Variants in TBXT observed in about 807,000 individuals in gnomAD.
TBXT encodes the protein T brachyury transcription factor.
Under a neutral mutation model 41.1 loss-of-function variants are expected in TBXT, and 19 were observed. The observed-to-expected ratio is 0.46, with a 90% CI of 0.32 to 0.68. The LOEUF (loss-of-function observed/expected upper bound fraction) is 0.68. Ranked by LOEUF, TBXT falls within the 30% of genes least tolerant of loss-of-function variation. The pLI is 0.03. For missense variants in TBXT, 536 were observed against 582.0 expected (o/e 0.92, Z 0.81); for synonymous variants, 213 against 238.9 (o/e 0.89, Z 1.00).
chr6:166,158,978 G>C (rs531862159), intron 7 of TBXT, among the ~76,000 whole-genome samples: 2 of 152,204 alleles, frequency 1.3e-5, no homozygotes, highest in Non-Finnish European at 2.9e-5. Flanking sequence ...TTCAAGGCCA[G>C]CCTGACTAAC....
chr6:166,165,509 A>C (rs1562389314), intron 3 of TBXT, among the ~76,000 whole-genome samples, 197 bp downstream of exon 3: 1 of 152,188 alleles, frequency 6.6e-6, no homozygotes, highest in Non-Finnish European at 1.5e-5. Context: ...ATTCAAGGGG[A>C]AAATGTTTGA....
chr6:166,164,521 G>A, intron 5 of TBXT, 84 bp downstream of exon 5: 1 of 1,517,644 alleles, frequency 6.6e-7, no homozygotes, highest in Non-Finnish European at 9.2e-7. Context: ...AAACACCCTT[G>A]TCTTCTCCAT....
Position 166,166,731 on chromosome 6 carries a change from G to T in TBXT, c.332C>A (p.Pro111Gln), listed in dbSNP as rs772551453. Residue 111 changes from proline to glutamine, a missense_variant, in exon 2 of 8, where the codon CCG becomes CAG. Transcript: ENST00000366876. ...CGCCTGCGGCTCCGGCTTGCCCCCC[G>T]GCACCCATTCCCCGTTCACGTACTT... ...RWKYVNGEWV[P>Q]GGKPEPQAPS... 2.5e-6 allele frequency: 4 copies of T among 1,613,686 alleles called. No individual in the cohort carries two copies. Among genetic ancestry groups the T allele is most frequent in the Non-Finnish European group, 8.5e-7 (1 of 1,180,032 alleles).
At chr6:166,162,164 AGG>A (rs1778977630) in intron 6 of TBXT, among the ~76,000 whole-genome samples, 1 of 152,212 alleles carries the variant, frequency 6.6e-6, no homozygotes. Context: ...TTCTGTGGAG[AGG>A]CCCAGGAATC....
At position 166,157,919 on chromosome 6, in the gene TBXT, C is replaced by T. The variant is rs1337210651; in HGVS notation, c.*396G>A. On this transcript the variant is annotated 3_prime_UTR_variant, in exon 8 of 8. Transcript: ENST00000366876. Reference sequence around the variant, plus strand: ...AACAAGGAAGAAGATTAAGAGTGTGCTTTTTATCTCACTAAAGTAGGACTG... The same window carrying T: ...AACAAGGAAGAAGATTAAGAGTGTGTTTTTTATCTCACTAAAGTAGGACTG... 1 of 327,488 alleles carries T rather than the reference C, an allele frequency of 3.1e-6. No homozygotes were observed. The highest frequency in any genetic ancestry group is 2.1e-5 in the African/African-American group (1 of 47,152). The allele number at this position is 327,488 out of a possible 1,614,324, so 20.3% of individuals were successfully genotyped here. A position where few individuals can be genotyped will look rare whatever the true frequency, so the allele number is the denominator to read the frequency against.
At chr6:166,162,301 C>G (rs1361878674) in intron 6 of TBXT, 146 bp downstream of exon 6, 1 of 824,570 alleles carries the variant, frequency 1.2e-6, no homozygotes, top group Non-Finnish European at 2.0e-6. Context: ...AAGATCTTCT[C>G]TTGAGCTACT....
intron 7 of TBXT, among the ~76,000 whole-genome samples, chr6:166,159,750 G>A (rs1433382627): frequency 1.3e-5 from 2 of 152,168 alleles, no homozygotes; most frequent in Non-Finnish European, 2.9e-5. Context: ...GTTAATCAAG[G>A]CAGATTTTTA....
Position 166,160,966 on chromosome 6 carries a change from G to T in TBXT, c.908C>A (p.Thr303Asn), listed in dbSNP as rs1024103231. 2.5e-6 allele frequency: 4 copies of T among 1,613,856 alleles called. No homozygotes were observed. Among genetic ancestry groups the T allele is most frequent in the Admixed American group, 1.7e-5 (1 of 60,016 alleles). The change falls in exon 7 of 8, where the codon ACC (threonine) becomes AAC (asparagine). Residue 303 changes from threonine (T) to asparagine (N), a missense_variant and splice_region_variant. By Grantham distance (65) the Thr-to-Asn change is moderately conservative. Transcript: ENST00000366876. ...SPYAHRNNSP[T>N]YSDNSPACLS... is the part of the protein sequence containing the mutation. The stretch of plus-strand genomic sequence containing the variant: ...ACATGCAGGTGAGTTGTCAGAATAG[G>T]CTAAGGGGGGAAGGTAACAAAGTGC...
rs777586019 is a variant in TBXT at position 166,167,372 on chromosome 6, G to A, written c.206+14C>T. The A allele has an allele frequency of 1.1e-5, 18 of 1,611,860 alleles. No individual in the cohort carries two copies. Among genetic ancestry groups the A allele is most frequent in the Non-Finnish European group, 1.5e-5 (18 of 1,179,794 alleles). ...GGAGAGCGCGGCGCGCGCGGGCTCC[G>A]GACGCGCACCCACCTGCCGTTCTTG... On this transcript the variant is annotated intron_variant, in intron 1 of 7. Coordinates refer to ENST00000366876, the MANE Select transcript of TBXT (RefSeq NM_001366285.2).
chr6:166,167,697 T>C lies in TBXT; in HGVS notation c.-106A>G, dbSNP rs1779171665. The stretch of plus-strand genomic sequence containing the variant: ...CGCCCTTCCGAGAAAAGGGGCCCCT[T>C]GGACCGAGACCTGCGACGGCTCCCG... On this transcript the variant is annotated 5_prime_UTR_variant, in exon 1 of 8. Coordinates refer to ENST00000366876, the MANE Select transcript of TBXT (RefSeq NM_001366285.2). 1 of 1,435,724 alleles carries C rather than the reference T, an allele frequency of 7.0e-7. No individual in the cohort carries two copies. Among genetic ancestry groups the C allele is most frequent in the Non-Finnish European group, 9.4e-7 (1 of 1,061,936 alleles). The allele number at this position is 1,435,724 out of a possible 1,614,324, so 88.9% of individuals were successfully genotyped here.
Position 166,158,050 on chromosome 6 carries a change from G to A in TBXT, c.*265C>T. On this transcript the variant is annotated 3_prime_UTR_variant, in exon 8 of 8. Coordinates refer to ENST00000366876, the MANE Select transcript of TBXT (RefSeq NM_001366285.2). ...GCAAACATTTTTTCACCGTCAGTGA[G>A]GTTGGGCCAACTGCATCATCTCCAC... The A allele has an allele frequency of 3.4e-6, 2 of 592,860 alleles. No individual in the cohort carries two copies. The highest frequency in any genetic ancestry group is 2.1e-5 in the South Asian group (1 of 48,742). 36.7% of individuals were successfully genotyped at this position (592,860 alleles called of 1,614,324 possible).
intron 3 of TBXT, 117 bp from the exon 4 acceptor site, chr6:166,164,978 C>CTTCT: frequency 1.2e-6 from 1 of 825,598 alleles, no homozygotes; most frequent in Non-Finnish European, 2.0e-6. Context: ...TATAATCAGA[C>CTTCT]TTCTTTCCAC....
chr6:166,158,085 C>T lies in TBXT; in HGVS notation c.*230G>A. 1.5e-6 allele frequency: 1 copy of T among 653,842 alleles called. No homozygotes were observed. Among genetic ancestry groups the T allele is most frequent in the Non-Finnish European group, 2.6e-6 (1 of 379,568 alleles). 40.5% of individuals were successfully genotyped at this position (653,842 alleles called of 1,614,324 possible). The stretch of plus-strand genomic sequence containing the variant: ...ACTGCATCATCTCCACAGTTGGGTT[C>T]ATCTGTAAGCCACCTGGGACAGCAC... On this transcript the variant is annotated 3_prime_UTR_variant, in exon 8 of 8. Coordinates refer to ENST00000366876, the MANE Select transcript of TBXT (RefSeq NM_001366285.2).
At chr6:166,163,680 G>A (rs9295326) in intron 5 of TBXT, among the ~76,000 whole-genome samples, 3,063 of 152,214 alleles carry the variant, frequency 0.02, 102 homozygotes, top group African/African-American at 0.069. Flanking sequence ...CACCGTGCCC[G>A]TCCTCTTCTA....
At chr6:166,162,069 T>A (rs1778975347) in intron 6 of TBXT, among the ~76,000 whole-genome samples, 1 of 152,214 alleles carries the variant, frequency 6.6e-6, no homozygotes, top group African/African-American at 2.4e-5. Flanking sequence ...TCAGGAATTC[T>A]TGAGCCTGGC....
rs1197970034 is a variant in TBXT at position 166,160,958 on chromosome 6, C to G, written c.916G>C (p.Asp306His). ...AHRNNSPTYS[D>H]NSPACLSMLQ... ...ATGGATAAACATGCAGGTGAGTTGTCAGAATAGGCTAAGGGGGGAAGGTAA... is the reference window on the plus strand; with the variant it reads ...ATGGATAAACATGCAGGTGAGTTGTGAGAATAGGCTAAGGGGGGAAGGTAA... The change falls in exon 7 of 8, where the codon GAC (aspartate) becomes CAC (histidine). Residue 306 changes from aspartate to histidine, a missense_variant. Asp to His is a moderately conservative substitution (Grantham distance 81). Coordinates refer to ENST00000366876, the MANE Select transcript of TBXT (RefSeq NM_001366285.2). 1 of 1,613,908 alleles carries G rather than the reference C, an allele frequency of 6.2e-7. No homozygotes were observed. Among genetic ancestry groups the G allele is most frequent in the Non-Finnish European group, 8.5e-7 (1 of 1,179,970 alleles).
chr6:166,161,513 C>T (rs1287657742), intron 6 of TBXT, among the ~76,000 whole-genome samples: 1 of 152,282 alleles, frequency 6.6e-6, no homozygotes, highest in East Asian at 1.9e-4. Context: ...TGGAGCCAGA[C>T]AAAATTAAGT....
intron 7 of TBXT, among the ~76,000 whole-genome samples, chr6:166,159,983 T>C (rs1778904909): frequency 6.6e-6 from 1 of 152,184 alleles, no homozygotes; most frequent in African/African-American, 2.4e-5. Context: ...GAAGGAACTG[T>C]TTTCTAGACA....
Position 166,167,659 on chromosome 6 carries a change from T to A in TBXT, c.-68A>T, listed in dbSNP as rs3099266. 6.5e-7 allele frequency: 1 copy of A among 1,530,714 alleles called. No individual in the cohort carries two copies. Among genetic ancestry groups the A allele is most frequent in the Admixed American group, 2.0e-5 (1 of 50,946 alleles). 94.8% of individuals were successfully genotyped at this position (1,530,714 alleles called of 1,614,324 possible). On this transcript the variant is annotated 5_prime_UTR_variant, in exon 1 of 8. Coordinates refer to ENST00000366876, the MANE Select transcript of TBXT (RefSeq NM_001366285.2). ...CTCGCTACCTGAGATCCACCTTCCC[T>A]GCTCTTGGCCGCCGCCCTTCCGAGA...
Sources: allele counts gnomAD v4.1 joint callset (sites outside exome capture counted in the v4.1 genomes callset), GRCh38; gene constraint gnomAD v4.1.1; transcripts MANE v1.5; gene names NCBI Gene and HGNC (gene_info 2026-07-23, HGNC 2026-07-21).